The following PSME3 variants were observed in gnomAD, a reference collection of about 807,000 sequenced individuals.
PSME3 encodes the protein proteasome activator subunit 3, also known as proteasome activator complex subunit 3.
PSME3 carries 7 observed loss-of-function variants against 38.3 expected under a neutral mutation model. The ratio of observed to expected loss-of-function variants is 0.18; its 90% confidence interval spans 0.10 to 0.34. The LOEUF is 0.34. Among genes scored for constraint, PSME3 ranks in the 10% least tolerant of loss-of-function variants. The pLI, the probability that PSME3 is intolerant of heterozygous loss-of-function variation, is 1.00. For missense variants in PSME3, 192 were observed against 307.6 expected (o/e 0.62, Z 2.81); for synonymous variants, 108 against 105.7 (o/e 1.02, Z -0.13).
In PSME3 at chr17:42,839,351, C is replaced by T; in HGVS notation, c.655C>T (p.Leu219Phe). ...TGAGAAAGAATATATCAGCCTTCGG[C>T]TCATCATATCAGAGCTGAGGAATCA... ...IDEKEYISLR[L>F]IISELRNQYV... is the part of the protein sequence containing the mutation. Residue 219 changes from leucine (L) to phenylalanine (F), a missense_variant, in exon 10 of 11, where the codon CTC becomes TTC. Around this residue, in one of 2 missense-constraint regions of PSME3, gnomAD observed 82 missense variants for 168.2 expected, o/e 0.49. Coordinates refer to ENST00000590720, the MANE Select transcript of PSME3 (RefSeq NM_005789.4). The T allele has an allele frequency of 6.2e-7, 1 of 1,612,626 alleles. No individual in the cohort carries two copies. The highest frequency in any genetic ancestry group is 8.5e-7 in the Non-Finnish European group (1 of 1,178,986).
chr17:42,837,570 TA>T, intron 4 of PSME3, 78 bp from the exon 5 acceptor site: 1 of 1,386,824 alleles, frequency 7.2e-7, no homozygotes, highest in Non-Finnish European at 1.0e-6. Context: ...AGGAAGGGAT[TA>T]AACTTGCTTG....
At chr17:42,837,746 A>G in intron 5 of PSME3, 49 bp downstream of exon 5, 1 of 1,575,416 alleles carries the variant, frequency 6.3e-7, no homozygotes, top group South Asian at 1.1e-5. Flanking sequence ...CCTGACTTGC[A>G]ACCCTGAGAA....
In PSME3 at chr17:42,843,293, A is replaced by G. The variant is rs1353050221; in HGVS notation, c.*1715A>G. ...GGTGGCTAGGGATGTACTCATGCTC[A>G]TATGTGTGCACGCTTGGACACCCAC... On this transcript the variant is annotated 3_prime_UTR_variant, in exon 11 of 11. Coordinates refer to ENST00000590720, the MANE Select transcript of PSME3 (RefSeq NM_005789.4). 6.5e-6 allele frequency: 1 copy of G among 152,684 alleles called. No homozygotes were observed. Among genetic ancestry groups the G allele is most frequent in the African/African-American group, 2.4e-5 (1 of 41,410 alleles). 9.5% of individuals were successfully genotyped at this position (152,684 alleles called of 1,614,324 possible). A position where few individuals can be genotyped will look rare whatever the true frequency, so the allele number is the denominator to read the frequency against.
Position 42,838,808 on chromosome 17 carries a change from C to T in PSME3, c.474+9C>T. 6.3e-7 allele frequency: 1 copy of T among 1,588,678 alleles called. No homozygotes were observed. On this transcript the variant is annotated intron_variant, in intron 7 of 10. Transcript: ENST00000590720. ...TTGGGGTGTCCATTCAGGTAATGTA[C>T]TTGAATTACATACTGGGAAGAGTGG...
intron 6 of PSME3, 35 bp from the exon 7 acceptor site, chr17:42,838,696 C>T (rs768234035): frequency 6.3e-7 from 1 of 1,597,524 alleles, no homozygotes; most frequent in Non-Finnish European, 8.6e-7. Context: ...CTTCAGCCTT[C>T]AGGCAAAGGT....
intron 10 of PSME3, among the ~76,000 whole-genome samples, chr17:42,840,721 C>A (rs2144258153): frequency 6.6e-6 from 1 of 152,280 alleles, no homozygotes; most frequent in South Asian, 2.1e-4. Flanking sequence ...ATGTTAAGTG[C>A]ACAATACATG....
chr17:42,834,437 G>GGA (rs59492997), intron 2 of PSME3, 61 bp downstream of exon 2: 125,077 of 1,523,752 alleles, frequency 0.082, 1,193 homozygotes, highest in Middle Eastern at 0.17. Flanking sequence ...GGAGATACCT[G>GGA]GAGAGAGAGA....
chr17:42,834,796 C>G lies in PSME3; in HGVS notation c.163C>G (p.Leu55Val). Residue 55 changes from leucine (L) to valine (V), a missense_variant, in exon 4 of 11, where the codon CTA becomes GTA. Physicochemically the swap from Leu to Val is conservative, Grantham distance 32. Coordinates refer to ENST00000590720, the MANE Select transcript of PSME3 (RefSeq NM_005789.4). ...LKEPILNIHD[L>V]TQIHSDMNLP... Reference sequence around the variant, plus strand: ...GGAACCAATCTTAAACATCCATGACCTAACTCAGATCCACTCTGACATGAA... The same window carrying G: ...GGAACCAATCTTAAACATCCATGACGTAACTCAGATCCACTCTGACATGAA... 1.9e-6 allele frequency: 3 copies of G among 1,614,074 alleles called. No individual in the cohort carries two copies. In the East Asian group the frequency reaches 6.7e-5, roughly 36 times the overall value.
At position 42,834,626 on chromosome 17, in the gene PSME3, G is replaced by A. The variant is rs369077411; in HGVS notation, c.138+49G>A. ...AAATTCCCCAATTTTTTTGGCCCTGGTATTACTGTCAACTGGGATAAACTG... is the reference window on the plus strand; with the variant it reads ...AAATTCCCCAATTTTTTTGGCCCTGATATTACTGTCAACTGGGATAAACTG... On this transcript the variant is annotated intron_variant, in intron 3 of 10. Transcript: ENST00000590720. The A allele has an allele frequency of 1.4e-5, 23 of 1,610,932 alleles. No homozygotes were observed. In the South Asian group the frequency reaches 2.4e-4, roughly 17 times the overall value.
rs1473810794 is a variant in PSME3 at position 42,838,769 on chromosome 17, A to G, written c.444A>G (p.Glu148=). The change falls in exon 7 of 11, where the codon GAA becomes GAG. Residue 148 remains glutamate (E), a synonymous_variant. Transcript: ENST00000590720. The stretch of plus-strand genomic sequence containing the variant: ...TACAGCTCCTGATTCCCAGGATAGA[A>G]GATGGAAACAACTTTGGGGTGTCCA... The part of the protein sequence containing the change: ...MWVQLLIPRI[E]DGNNFGVSIQ... The G allele has an allele frequency of 1.2e-6, 2 of 1,612,110 alleles. No homozygotes were observed. Among genetic ancestry groups the G allele is most frequent in the Admixed American group, 3.3e-5 (2 of 60,020 alleles).
At position 42,833,669 on chromosome 17, in the gene PSME3, T is replaced by C. The variant is rs2055425940; in HGVS notation, c.38T>C (p.Leu13Pro). Residue 13 changes from leucine (L) to proline (P), a missense_variant, in exon 1 of 11, where the codon CTC (leucine) becomes CCC (proline). Leu to Pro is a moderately conservative substitution (Grantham distance 98). Around this residue, in one of 2 missense-constraint regions of PSME3, gnomAD observed 110 missense variants for 139.3 expected, o/e 0.79. Transcript: ENST00000590720. The part of the protein sequence containing the change: ...SLLKVDQEVK[L>P]KVDSFRERIT... ...CTGAAGGTGGATCAGGAAGTGAAGC[T>C]CAAGGTAGCGGCACCGGTCCGGCCT... 1 of 1,614,074 alleles carries C rather than the reference T, an allele frequency of 6.2e-7. No homozygotes were observed. Among genetic ancestry groups the C allele is most frequent in the African/African-American group, 1.3e-5 (1 of 74,992 alleles).
Position 42,840,217 on chromosome 17 carries a change from A to T in PSME3, c.684+837A>T, listed in dbSNP as rs530409953. Among the ~76,000 whole-genome samples the T allele has an allele frequency of 8.0e-4, 122 of 151,574 alleles. 3 individuals carry two copies. The highest frequency in any genetic ancestry group is 8.0e-3 in the Admixed American group (121 of 15,188). ...AGAATTGCTTGAACCCGGGAGGCGG[A>T]GGTTGCAGTGAGCCGAGATTGCGCC... is the stretch of plus-strand genomic sequence containing the variant. On this transcript the variant is annotated intron_variant, in intron 10 of 10. Coordinates refer to ENST00000590720, the MANE Select transcript of PSME3 (RefSeq NM_005789.4).
At position 42,838,818 on chromosome 17, in the gene PSME3, A is replaced by G; in HGVS notation, c.474+19A>G. The G allele has an allele frequency of 6.3e-7, 1 of 1,582,502 alleles. No individual in the cohort carries two copies. Among genetic ancestry groups the G allele is most frequent in the Non-Finnish European group, 8.7e-7 (1 of 1,151,342 alleles). ...CATTCAGGTAATGTACTTGAATTAC[A>G]TACTGGGAAGAGTGGCTTGGGAGAT... On this transcript the variant is annotated intron_variant, in intron 7 of 10. Coordinates refer to ENST00000590720, the MANE Select transcript of PSME3 (RefSeq NM_005789.4).
chr17:42,836,251 C>T (rs572069530), intron 4 of PSME3, among the ~76,000 whole-genome samples: 2 of 151,882 alleles, frequency 1.3e-5, no homozygotes, highest in Admixed American at 6.6e-5. Context: ...GTGATCCGCC[C>T]GCCTCAGCCT....
chr17:42,838,310 T>C (rs1398197412), intron 6 of PSME3, 105 bp downstream of exon 6: 23 of 1,500,478 alleles, frequency 1.5e-5, no homozygotes, highest in Non-Finnish European at 1.9e-5. Flanking sequence ...ACTAGGTTTT[T>C]TTGAGTTTTT....
chr17:42,839,827 T>C (rs2055509097), intron 10 of PSME3, among the ~76,000 whole-genome samples: 1 of 151,586 alleles, frequency 6.6e-6, no homozygotes. Context: ...CGAAAGCTCG[T>C]CTCTACTAAA....
Position 42,838,081 on chromosome 17 carries a change from C to T in PSME3, c.293-12C>T, listed in dbSNP as rs755210305. 6.2e-7 allele frequency: 1 copy of T among 1,613,880 alleles called. No homozygotes were observed. Among genetic ancestry groups the T allele is most frequent in the East Asian group, 2.2e-5 (1 of 44,878 alleles). On this transcript the variant is annotated splice_polypyrimidine_tract_variant and intron_variant, in intron 5 of 10. Transcript: ENST00000590720. Reference sequence around the variant, plus strand: ...CTCTTCCCTGATCATTTGACCTTCACATCTCTGCCAGGAACCAAGGTGTTT... The same window carrying T: ...CTCTTCCCTGATCATTTGACCTTCATATCTCTGCCAGGAACCAAGGTGTTT...
chr17:42,833,858 G>C, intron 1 of PSME3, 185 bp downstream of exon 1: 2 of 1,499,106 alleles, frequency 1.3e-6, no homozygotes, highest in South Asian at 2.6e-5. Flanking sequence ...ATGGCTTTCT[G>C]TACCGCGTCT....
At chr17:42,837,556 G>A in intron 4 of PSME3, 93 bp from the exon 5 acceptor site, 1 of 1,236,730 alleles carries the variant, frequency 8.1e-7, no homozygotes, top group African/African-American at 1.5e-5. Flanking sequence ...AAGCTATGAG[G>A]CTGAGGAAGG....
Sources: allele counts gnomAD v4.1 joint callset (sites outside exome capture counted in the v4.1 genomes callset), GRCh38; gene constraint gnomAD v4.1.1; regional missense constraint gnomAD v4.1.1; transcripts MANE v1.5; gene names NCBI Gene and HGNC (gene_info 2026-07-23, HGNC 2026-07-21).